The following GALNT13 variants were observed in gnomAD, a reference collection of about 807,000 sequenced individuals.
GALNT13 encodes the protein polypeptide N-acetylgalactosaminyltransferase 13.
GALNT13 carries 28 observed loss-of-function variants against 64.2 expected under a neutral mutation model. The observed-to-expected ratio is 0.44, with a 90% CI of 0.32 to 0.60. The LOEUF is 0.60. Ranked by LOEUF, GALNT13 falls within the 20% of genes least tolerant of loss-of-function variation. The pLI is 0.05. For synonymous variants in GALNT13, 214 were observed against 224.6 expected (o/e 0.95, Z 0.42); for missense variants, 577 against 669.8 (o/e 0.86, Z 1.53).
At chr2:153,293,808 TGTGA>T in the GALNT13 span, among the ~76,000 whole-genome samples, 1 of 151,684 alleles carries the variant, frequency 6.6e-6, no homozygotes, top group African/African-American at 2.4e-5. Flanking sequence ...TGTGTGTGTG[TGTGA>T]GACAGGGTTT....
chr2:153,399,600 T>A, the GALNT13 span, among the ~76,000 whole-genome samples: 1 of 151,950 alleles, frequency 6.6e-6, no homozygotes, highest in Non-Finnish European at 1.5e-5. Context: ...TTTATTTCCT[T>A]GAGCAGTGGT....
At chr2:153,524,321 C>CTTT in the GALNT13 span, among the ~76,000 whole-genome samples, 5 of 135,112 alleles carry the variant, frequency 3.7e-5, no homozygotes, top group South Asian at 2.4e-4. Context: ...TATTCCTTCT[C>CTTT]TTTTTTTTTT....
intron 4 of GALNT13, among the ~76,000 whole-genome samples, chr2:154,164,193 T>C (rs940512808): frequency 2.0e-5 from 3 of 151,820 alleles, no homozygotes; most frequent in African/African-American, 4.8e-5. Context: ...TAGTTAAGAA[T>C]AGAGCATGGA....
At chr2:154,095,396 A>G (rs1004262195) in intron 3 of GALNT13, among the ~76,000 whole-genome samples, 3 of 151,878 alleles carry the variant, frequency 2.0e-5, no homozygotes, top group African/African-American at 7.2e-5. Flanking sequence ...AATGTTTGTG[A>G]TAACTGTAGT....
chr2:154,194,153 A>G (rs188580640), intron 4 of GALNT13, among the ~76,000 whole-genome samples: 32 of 152,200 alleles, frequency 2.1e-4, no homozygotes, highest in African/African-American at 7.2e-4. Context: ...TTTTTCTTTT[A>G]AAGTTCCAAA....
chr2:154,332,261 C>T (rs747326804), intron 9 of GALNT13, among the ~76,000 whole-genome samples: 1 of 152,094 alleles, frequency 6.6e-6, no homozygotes, highest in Non-Finnish European at 1.5e-5. Flanking sequence ...TTTTCTACCT[C>T]TGCTGAGCCT....
At chr2:153,504,779 C>A in the GALNT13 span, among the ~76,000 whole-genome samples, 2 of 152,010 alleles carry the variant, frequency 1.3e-5, no homozygotes, top group African/African-American at 4.8e-5. Context: ...TTGGATTTGG[C>A]TAGCTCGTAT....
intron 4 of GALNT13, among the ~76,000 whole-genome samples, chr2:154,206,090 C>T (rs907697413): frequency 1.3e-4 from 19 of 151,828 alleles, no homozygotes; most frequent in African/African-American, 4.6e-4. Context: ...CTTCACCTCC[C>T]GGGTTCACTC....
the GALNT13 span, among the ~76,000 whole-genome samples, chr2:153,551,213 G>C: frequency 6.6e-6 from 1 of 152,146 alleles, no homozygotes; most frequent in Non-Finnish European, 1.5e-5. Flanking sequence ...TTATGCTTCA[G>C]GAAAATCCTG....
intron 2 of GALNT13, among the ~76,000 whole-genome samples, chr2:153,931,066 AGTGTGTGTGTGTGTGT>A (rs59409947): frequency 7.2e-6 from 1 of 138,174 alleles, no homozygotes; most frequent in African/African-American, 2.8e-5. Context: ...TGTATTCCTA[AGTGTGTGTGTGTGTGT>A]GTGTGTGTGT....
At chr2:154,095,496 A>G (rs1325446906) in intron 3 of GALNT13, among the ~76,000 whole-genome samples, 1 of 151,964 alleles carries the variant, frequency 6.6e-6, no homozygotes, top group Non-Finnish European at 1.5e-5. Flanking sequence ...AAGAACCCCT[A>G]TTTTAAAATT....
intron 4 of GALNT13, among the ~76,000 whole-genome samples, chr2:154,213,517 A>G (rs1346603432): frequency 6.6e-6 from 1 of 152,198 alleles, no homozygotes. Flanking sequence ...AAGTTAATAT[A>G]ACAGATATCT....
intron 11 of GALNT13, among the ~76,000 whole-genome samples, chr2:154,413,726 A>AAGAC (rs1394793861): frequency 5.3e-5 from 8 of 152,022 alleles, no homozygotes; most frequent in African/African-American, 1.9e-4. Flanking sequence ...TAAAAAACTT[A>AAGAC]AGACACACTC....
At chr2:153,432,651 C>G in the GALNT13 span, among the ~76,000 whole-genome samples, 20 of 152,156 alleles carry the variant, frequency 1.3e-4, no homozygotes, top group African/African-American at 3.6e-4. Context: ...TCCACCTGAT[C>G]TAGTTGTCAC....
the GALNT13 span, among the ~76,000 whole-genome samples, chr2:153,665,003 GGTACCAGAGTA>G: frequency 1.3e-5 from 2 of 152,130 alleles, no homozygotes; most frequent in African/African-American, 4.8e-5. Flanking sequence ...ACAAAAATTT[GGTACCAGAGTA>G]TGGCAGTCAA....
the GALNT13 span, among the ~76,000 whole-genome samples, chr2:153,683,095 C>A: frequency 6.6e-6 from 1 of 151,648 alleles, no homozygotes; most frequent in African/African-American, 2.4e-5. Context: ...GACTAAGATC[C>A]TTAAAAGGAT....
At chr2:153,247,201 C>T in the GALNT13 span, among the ~76,000 whole-genome samples, 1 of 152,112 alleles carries the variant, frequency 6.6e-6, no homozygotes. Flanking sequence ...AACTTTAACA[C>T]CCCACTGACA....
At chr2:154,189,390 G>T (rs1686437862) in intron 4 of GALNT13, among the ~76,000 whole-genome samples, 1 of 150,656 alleles carries the variant, frequency 6.6e-6, no homozygotes, top group Non-Finnish European at 1.5e-5. Context: ...ATTAGGGCAG[G>T]ACCTTGGTCT....
chr2:153,694,480 A>G, the GALNT13 span, among the ~76,000 whole-genome samples: 723 of 152,348 alleles, frequency 4.7e-3, 8 homozygotes, highest in African/African-American at 0.017. Flanking sequence ...AATCTCACAG[A>G]TATAATGAAT....
Sources: allele counts gnomAD v4.1 joint callset (sites outside exome capture counted in the v4.1 genomes callset), GRCh38; gene constraint gnomAD v4.1.1; transcripts MANE v1.5; gene names NCBI Gene and HGNC (gene_info 2026-07-23, HGNC 2026-07-21).